The following AMPH variants were observed in gnomAD, a reference collection of about 807,000 sequenced individuals.
AMPH encodes amphiphysin (Stiff-Mann syndrome with breast cancer 128kD autoantigen).
Under a neutral mutation model 99.1 loss-of-function variants are expected in AMPH, and 49 were observed. The observed-to-expected ratio is 0.49, with a 90% CI of 0.39 to 0.63. The LOEUF (loss-of-function observed/expected upper bound fraction) is 0.63. Ranked by LOEUF, AMPH falls within the 20% of genes least tolerant of loss-of-function variation. The probability of loss-of-function intolerance (pLI) is 0.00; values close to 1 mark genes in which losing one functional copy is unlikely to be tolerated. For missense variants in AMPH, 759 were observed against 863.4 expected, an observed-to-expected ratio of 0.88 and a Z score of 1.52; for synonymous variants, 314 against 317.3, an observed-to-expected ratio of 0.99 and a Z score of 0.11.
At chr7:38,498,565 C>T (rs1789014925) in intron 3 of AMPH, among the ~76,000 whole-genome samples, 1 of 152,130 alleles carries the variant, frequency 6.6e-6, no homozygotes, top group Non-Finnish European at 1.5e-5. Flanking sequence ...ATTACATAAA[C>T]TGAGACATGT....
In AMPH at chr7:38,595,996, T is replaced by G. The variant is rs190863150; in HGVS notation, c.69+35287A>C. Among the ~76,000 whole-genome samples the G allele has an allele frequency of 1.7e-3, 252 of 152,370 alleles. 2 individuals are homozygous for G. The highest frequency in any genetic ancestry group is 4.6e-3 in the South Asian group (22 of 4,826). ...ACCTGGATTGATTCCATGTCTTTGC[T>G]ATTATGAATAGTGCTGTGATGAACA... On this transcript the variant is annotated intron_variant, in intron 1 of 20. Transcript: ENST00000356264.
intron 17 of AMPH, among the ~76,000 whole-genome samples, chr7:38,399,733 T>C (rs1019030788): frequency 6.6e-6 from 1 of 152,238 alleles, no homozygotes; most frequent in Non-Finnish European, 1.5e-5. Context: ...GGACTGAATC[T>C]GCTGAAAGTA....
chr7:38,575,211 G>A (rs1792193564), intron 1 of AMPH, among the ~76,000 whole-genome samples: 1 of 151,940 alleles, frequency 6.6e-6, no homozygotes, highest in Non-Finnish European at 1.5e-5. Flanking sequence ...GGGCACTGGG[G>A]ATATAGTACC....
intron 15 of AMPH, among the ~76,000 whole-genome samples, chr7:38,425,657 A>G (rs1377195520): frequency 6.6e-6 from 1 of 152,200 alleles, no homozygotes; most frequent in African/African-American, 2.4e-5. Flanking sequence ...TTGGGTGGGT[A>G]GGAGGTGGAA....
chr7:38,452,374 C>T (rs1320583599), intron 11 of AMPH, among the ~76,000 whole-genome samples: 1 of 152,160 alleles, frequency 6.6e-6, no homozygotes, highest in Non-Finnish European at 1.5e-5. Flanking sequence ...TGCTGTACTT[C>T]CTTGCAGTTA....
At chr7:38,498,903 C>T (rs1397195955) in intron 3 of AMPH, among the ~76,000 whole-genome samples, 1 of 152,170 alleles carries the variant, frequency 6.6e-6, no homozygotes, top group African/African-American at 2.4e-5. Context: ...CATCTCACTG[C>T]TCTGTTTGTT....
At chr7:38,504,637 T>A (rs1391494229) in intron 2 of AMPH, among the ~76,000 whole-genome samples, 1 of 152,144 alleles carries the variant, frequency 6.6e-6, no homozygotes, top group Non-Finnish European at 1.5e-5. Flanking sequence ...AGCTGAGGCG[T>A]TTATCCAATA....
chr7:38,388,818 A>G (rs6971753), intron 20 of AMPH, among the ~76,000 whole-genome samples: 1 of 151,664 alleles, frequency 6.6e-6, no homozygotes, highest in Non-Finnish European at 1.5e-5. Flanking sequence ...TAAAAAAAAA[A>G]TTTTTTGTAG....
At chr7:38,491,713 T>C (rs1788724169) in intron 4 of AMPH, among the ~76,000 whole-genome samples, 1 of 152,250 alleles carries the variant, frequency 6.6e-6, no homozygotes, top group South Asian at 2.1e-4. Flanking sequence ...AATTGTTTTA[T>C]GAGAAAAGAC....
chr7:38,626,592 T>C (rs6955353), intron 1 of AMPH, among the ~76,000 whole-genome samples: 124,893 of 152,198 alleles, frequency 0.82, 52,574 homozygotes, highest in African/African-American at 0.93. Context: ...CATAAAAACC[T>C]TAGAAGAAAA....
At chr7:38,508,834 A>T (rs1470058644) in intron 2 of AMPH, among the ~76,000 whole-genome samples, 1 of 152,234 alleles carries the variant, frequency 6.6e-6, no homozygotes, top group Non-Finnish European at 1.5e-5. Flanking sequence ...AAACTTGCTG[A>T]TCATTTTTGA....
intron 9 of AMPH, among the ~76,000 whole-genome samples, chr7:38,464,381 G>A (rs1234783265): frequency 6.6e-6 from 1 of 152,064 alleles, no homozygotes; most frequent in Non-Finnish European, 1.5e-5. Flanking sequence ...TATTCTTTCA[G>A]GCAATATTCT....
At chr7:38,581,209 CA>C (rs372691960) in intron 1 of AMPH, among the ~76,000 whole-genome samples, 9 of 151,086 alleles carry the variant, frequency 6.0e-5, no homozygotes, top group East Asian at 3.9e-4. Flanking sequence ...CATTAAATGG[CA>C]AAAAAAAGTG....
intron 1 of AMPH, among the ~76,000 whole-genome samples, chr7:38,578,560 G>T (rs1792330141): frequency 6.6e-6 from 1 of 152,120 alleles, no homozygotes; most frequent in East Asian, 1.9e-4. Flanking sequence ...CCAGGAGTTT[G>T]AGAACAGCCT....
chr7:38,477,474 C>A (rs1788130340), intron 5 of AMPH, among the ~76,000 whole-genome samples: 1 of 152,144 alleles, frequency 6.6e-6, no homozygotes, highest in African/African-American at 2.4e-5. Context: ...ATCCCCTGGA[C>A]TAATGTGTCA....
intron 12 of AMPH, among the ~76,000 whole-genome samples, chr7:38,434,840 A>C (rs1462091198): frequency 6.6e-6 from 1 of 152,088 alleles, no homozygotes; most frequent in Non-Finnish European, 1.5e-5. Flanking sequence ...AAGGAAGTAT[A>C]TTCAATTATA....
chr7:38,501,799 AAAT>A lies in AMPH; in HGVS notation c.205+1848_205+1850del, dbSNP rs1373631399. 1.8e-3 allele frequency among the ~76,000 whole-genome samples: 202 copies of A among 111,176 alleles called. 1 individual carries two copies. Among genetic ancestry groups the A allele is most frequent in the African/African-American group, 6.3e-3 (191 of 30,304 alleles). 72.9% of individuals were successfully genotyped at this position (111,176 alleles called of 152,430 possible). A position where few individuals can be genotyped will look rare whatever the true frequency, so the allele number is the denominator to read the frequency against. The stretch of plus-strand genomic sequence containing the variant: ...TAAATAAATAAATAAATAAATAAAT[AAAT>A]AAAAGATTTTACCAAATGCTCTCCA... On this transcript the variant is annotated intron_variant, in intron 3 of 20. Coordinates refer to ENST00000356264, the MANE Select transcript of AMPH (RefSeq NM_001635.4).
intron 1 of AMPH, among the ~76,000 whole-genome samples, chr7:38,542,656 G>T (rs1000366631): frequency 1.3e-5 from 2 of 152,132 alleles, no homozygotes; most frequent in Non-Finnish European, 2.9e-5. Flanking sequence ...TCATCCATTA[G>T]ACCAATAAAA....
Position 38,422,449 on chromosome 7 carries a change from T to G in AMPH, c.1244A>C (p.Gln415Pro). 6.2e-7 allele frequency: 1 copy of G among 1,613,734 alleles called. No homozygotes were observed. The change falls in exon 16 of 21, where the codon CAG (glutamine) becomes CCG (proline). Residue 415 changes from glutamine to proline, a missense_variant. Transcript: ENST00000356264. Reference sequence around the variant, plus strand: ...GTTGCAGATCATACTCTGGTCTGTCTGCATTGTGAATAATGAAGTATCCTG... The same window carrying G: ...GTTGCAGATCATACTCTGGTCTGTCGGCATTGTGAATAATGAAGTATCCTG... ...QPQDTSLFTM[Q>P]TDQSMICNLA...
Sources: gnomAD v4.1 joint callset for allele counts (sites outside exome capture counted in the v4.1 genomes callset) on GRCh38, gnomAD v4.1.1 for gene constraint, MANE v1.5 for transcripts, NCBI Gene and HGNC (gene_info 2026-07-23, HGNC 2026-07-21) for gene names.